Variants in KIAA1328 observed in about 807,000 individuals in gnomAD.
KIAA1328 encodes KIAA1328, also known as protein hinderin.
A neutral mutation model predicts 68.1 loss-of-function variants in KIAA1328; 52 were observed. The ratio of observed to expected loss-of-function variants is 0.76; its 90% CI spans 0.61 to 0.96. KIAA1328 has a LOEUF of 0.96. KIAA1328 is among the 40% of genes least tolerant of loss of function. The probability of loss-of-function intolerance (pLI) is 0.00; values close to 1 mark genes in which losing one functional copy is unlikely to be tolerated. For synonymous variants in KIAA1328, 232 were observed against 239.4 expected (o/e 0.97, Z 0.28); for missense variants, 641 against 677.6 (o/e 0.95, Z 0.60).
intron 7 of KIAA1328, among the ~76,000 whole-genome samples, chr18:37,153,917 C>G (rs966577627): frequency 9.6e-5 from 14 of 146,328 alleles, no homozygotes; most frequent in Non-Finnish European, 1.8e-4. Context: ...GCTGTTTTTT[C>G]TCTTATACTC....
chr18:36,994,442 C>T (rs142541711), intron 6 of KIAA1328, among the ~76,000 whole-genome samples: 5 of 152,224 alleles, frequency 3.3e-5, no homozygotes, highest in South Asian at 2.1e-4. Context: ...GGACGGGACT[C>T]CAAACATGTA....
At chr18:36,911,651 G>A (rs1346996418) in intron 5 of KIAA1328, among the ~76,000 whole-genome samples, 2 of 152,160 alleles carry the variant, frequency 1.3e-5, no homozygotes, top group Non-Finnish European at 1.5e-5. Context: ...ATGAAGCCAT[G>A]TAGTATAGTG....
Position 36,829,155 on chromosome 18 carries a change from G to GC in KIAA1328, c.21dup (p.Ser8LeufsTer15). ...TGTTTCAAGATGGCGGACGTGGCGG[G>GC]CCCCTCCCGCCCCAGTGCCGCGGCG... On this transcript the variant is annotated frameshift_variant, in exon 1 of 10. Transcript: ENST00000280020. LOFTEE classifies it high-confidence loss of function. 1 of 1,532,936 alleles carries GC rather than the reference G, an allele frequency of 6.5e-7. No homozygotes were observed. The highest frequency in any genetic ancestry group is 8.8e-7 in the Non-Finnish European group (1 of 1,142,228). 95.0% of individuals were successfully genotyped at this position (1,532,936 alleles called of 1,614,324 possible).
chr18:36,843,907 A>T (rs1306041198), intron 3 of KIAA1328, among the ~76,000 whole-genome samples: 1 of 152,146 alleles, frequency 6.6e-6, no homozygotes, highest in Non-Finnish European at 1.5e-5. Context: ...TCTTCTGTTG[A>T]GTATTTGTTT....
In KIAA1328 at chr18:37,115,056, C is replaced by T. The variant is rs139235441; in HGVS notation, c.1233-45144C>T. 2.2e-4 allele frequency among the ~76,000 whole-genome samples: 34 copies of T among 152,180 alleles called. No individual in the cohort carries two copies. In the East Asian group the frequency reaches 5.8e-3, roughly 26 times the overall value. On this transcript the variant is annotated intron_variant, in intron 7 of 9. Transcript: ENST00000280020. The stretch of plus-strand genomic sequence containing the variant: ...CAACAAAAAAAAGTCCAGGACCAGA[C>T]GGATTCACAGCCGAATTCTACCAGA...
chr18:36,851,602 A>C (rs551354423), intron 4 of KIAA1328, among the ~76,000 whole-genome samples: 2 of 146,418 alleles, frequency 1.4e-5, no homozygotes, highest in Admixed American at 1.4e-4. Context: ...ACAATTGTTC[A>C]TAGTATTCTC....
chr18:37,012,840 G>A (rs1165541451), intron 6 of KIAA1328, among the ~76,000 whole-genome samples: 3 of 152,056 alleles, frequency 2.0e-5, no homozygotes, highest in African/African-American at 7.2e-5. Flanking sequence ...TTGGCTAAAA[G>A]CATAGCTATT....
At chr18:37,010,508 C>CT (rs1436754632) in intron 6 of KIAA1328, among the ~76,000 whole-genome samples, 1 of 141,332 alleles carries the variant, frequency 7.1e-6, no homozygotes, top group African/African-American at 2.6e-5. Flanking sequence ...TTGTGGATCT[C>CT]TTTAATGAGG....
chr18:37,042,894 C>T (rs2055313265), intron 6 of KIAA1328, among the ~76,000 whole-genome samples: 1 of 152,094 alleles, frequency 6.6e-6, no homozygotes. Flanking sequence ...GCTTTGTCTC[C>T]CACAGGTCTC....
At chr18:37,143,566 T>C (rs2058828334) in intron 7 of KIAA1328, among the ~76,000 whole-genome samples, 1 of 145,346 alleles carries the variant, frequency 6.9e-6, no homozygotes, top group Non-Finnish European at 1.5e-5. Context: ...GTCTAAGACT[T>C]TCAAAACAAT....
At chr18:36,924,442 A>G (rs1423804356) in intron 5 of KIAA1328, among the ~76,000 whole-genome samples, 2 of 152,188 alleles carry the variant, frequency 1.3e-5, no homozygotes, top group African/African-American at 4.8e-5. Flanking sequence ...GGGAGCTAAC[A>G]GAATCTGAAT....
At chr18:37,204,085 C>G (rs2060169163) in intron 9 of KIAA1328, among the ~76,000 whole-genome samples, 1 of 152,202 alleles carries the variant, frequency 6.6e-6, no homozygotes, top group Non-Finnish European at 1.5e-5. Flanking sequence ...GCTGGGATTA[C>G]AGGCGTGAGC....
intron 7 of KIAA1328, among the ~76,000 whole-genome samples, chr18:37,108,895 A>C (rs1455002447): frequency 6.6e-6 from 1 of 152,170 alleles, no homozygotes; most frequent in African/African-American, 2.4e-5. Flanking sequence ...CATCATTTAC[A>C]TTAGGTATTT....
chr18:37,086,379 A>G (rs1448107759), intron 7 of KIAA1328, among the ~76,000 whole-genome samples: 1 of 152,218 alleles, frequency 6.6e-6, no homozygotes, highest in East Asian at 1.9e-4. Context: ...ACAATTTACA[A>G]GATATCCCTC....
intron 4 of KIAA1328, among the ~76,000 whole-genome samples, chr18:36,868,567 C>T (rs2047833962): frequency 6.6e-6 from 1 of 152,128 alleles, no homozygotes; most frequent in African/African-American, 2.4e-5. Flanking sequence ...GTACCATAGA[C>T]TACCGCACAG....
rs201421740 is a variant in KIAA1328, at chr18:37,173,080, C to T, written c.1522C>T (p.Arg508Trp). The T allele has an allele frequency of 7.5e-5, 120 of 1,602,610 alleles. No individual in the cohort carries two copies. The highest frequency in any genetic ancestry group is 6.4e-4 in the African/African-American group (48 of 74,620). Residue 508 changes from arginine to tryptophan, a missense_variant and splice_region_variant, in exon 9 of 10, where the codon CGG becomes TGG. Coordinates refer to ENST00000280020, the MANE Select transcript of KIAA1328 (RefSeq NM_020776.3). ...ACCATCATTACAGCACACCACCTCCCGGTAAGCTTCAGAGATTCTTTAGTT... is the reference window on the plus strand; with the variant it reads ...ACCATCATTACAGCACACCACCTCCTGGTAAGCTTCAGAGATTCTTTAGTT... The part of the protein sequence containing the change: ...ASPSLQHTTS[R>W]YETSLLDLVQ...
chr18:36,925,620 C>G (rs886986489), intron 5 of KIAA1328, among the ~76,000 whole-genome samples: 1 of 151,760 alleles, frequency 6.6e-6, no homozygotes, highest in African/African-American at 2.4e-5. Flanking sequence ...TCACTGCAAC[C>G]TCAACCTCCT....
At chr18:37,086,339 T>C (rs1424272618) in intron 7 of KIAA1328, among the ~76,000 whole-genome samples, 1 of 152,238 alleles carries the variant, frequency 6.6e-6, no homozygotes, top group Non-Finnish European at 1.5e-5. Flanking sequence ...TCACTTTGTA[T>C]ACAATAAATA....
intron 7 of KIAA1328, among the ~76,000 whole-genome samples, chr18:37,113,383 C>T (rs1171471224): frequency 6.6e-6 from 1 of 152,102 alleles, no homozygotes; most frequent in East Asian, 1.9e-4. Flanking sequence ...AATTTTCAAC[C>T]CAGAATTTCA....
Sources: allele counts gnomAD v4.1 joint callset (sites outside exome capture counted in the v4.1 genomes callset), GRCh38; gene constraint gnomAD v4.1.1; transcripts MANE v1.5; gene names NCBI Gene and HGNC (gene_info 2026-07-23, HGNC 2026-07-21).